BPIFA2: variants seen among roughly 807,000 people sequenced by gnomAD.
The protein encoded by BPIFA2 is BPI fold-containing family A member 2.
BPIFA2 carries 20 observed loss-of-function variants against 25.7 expected under a neutral mutation model. That is an observed-to-expected ratio of 0.78 (90% CI 0.55 to 1.13). BPIFA2 has a LOEUF of 1.13. BPIFA2 is among the 50% of genes most tolerant of loss of function. BPIFA2 has a pLI of 0.00. For missense variants in BPIFA2, 300 were observed against 298.1 expected, an observed-to-expected ratio of 1.01 and a Z score of -0.05; for synonymous variants, 126 against 124.3, an observed-to-expected ratio of 1.01 and a Z score of -0.09.
chr20:33,172,905 A>G (rs1983946955), intron 2 of BPIFA2, 27 bp from the exon 3 acceptor site: 2 of 1,609,768 alleles, frequency 1.2e-6, no homozygotes, highest in Middle Eastern at 3.4e-4. Flanking sequence ...GTGGTGCGTG[A>G]CACAAAATGG....
Position 33,181,205 on chromosome 20 carries a change from C to A in BPIFA2, c.*38-19C>A, listed in dbSNP as rs1377850805. ...GCAGCCTAGCAGCAAATGTCCTAAC[C>A]CCCTTGGTCTCATTCCAGATTGGTT... On this transcript the variant is annotated intron_variant, in intron 8 of 8. Transcript: ENST00000354932. 2 of 152,304 alleles carry A rather than the reference C, an allele frequency of 1.3e-5. No homozygotes were observed. The highest frequency in any genetic ancestry group is 3.9e-4 in the East Asian group (2 of 5,192). 9.4% of individuals were successfully genotyped at this position (152,304 alleles called of 1,614,324 possible).
chr20:33,179,061 G>A (rs933442953), intron 6 of BPIFA2, among the ~76,000 whole-genome samples: 22 of 152,138 alleles, frequency 1.4e-4, no homozygotes, highest in African/African-American at 5.3e-4. Flanking sequence ...TAGAATTCTA[G>A]TGTTCTAAGG....
Position 33,172,985 on chromosome 20 carries a change from T to C in BPIFA2, c.211T>C (p.Trp71Arg), listed in dbSNP as rs917471632. ...DLGVLQKSSA[W>R]QLAKQKAQEA... ...AGGAGTGCTTCAGAAATCCAGTGCTTGGCAACTGGCCAAGCAGAAGGCCCA... is the reference window on the plus strand; with the variant it reads ...AGGAGTGCTTCAGAAATCCAGTGCTCGGCAACTGGCCAAGCAGAAGGCCCA... The change falls in exon 3 of 9, where the codon TGG becomes CGG. Residue 71 changes from tryptophan (W) to arginine (R), a missense_variant. Physicochemically the swap from Trp to Arg is moderately radical, Grantham distance 101. Transcript: ENST00000354932. 3 of 1,614,074 alleles carry C rather than the reference T, an allele frequency of 1.9e-6. No homozygotes were observed. In the African/African-American group the frequency reaches 4.0e-5, roughly 22 times the overall value.
At chr20:33,172,836 T>C in intron 2 of BPIFA2, 96 bp from the exon 3 acceptor site, 1 of 1,325,776 alleles carries the variant, frequency 7.5e-7, no homozygotes, top group South Asian at 1.5e-5. Flanking sequence ...AAAGATTAAA[T>C]GAAATAACAT....
At chr20:33,173,576 G>T (rs1600600104) in intron 3 of BPIFA2, among the ~76,000 whole-genome samples, 1 of 152,082 alleles carries the variant, frequency 6.6e-6, no homozygotes, top group Non-Finnish European at 1.5e-5. Context: ...CACAATCTTG[G>T]CTCACTACAG....
At chr20:33,171,440 G>A (rs1224793419) in intron 2 of BPIFA2, among the ~76,000 whole-genome samples, 1 of 152,168 alleles carries the variant, frequency 6.6e-6, no homozygotes, top group Non-Finnish European at 1.5e-5. Context: ...TGGCATTAGA[G>A]TGAACAGGCA....
At chr20:33,175,073 A>C (rs1984027747) in intron 4 of BPIFA2, among the ~76,000 whole-genome samples, 1 of 152,204 alleles carries the variant, frequency 6.6e-6, no homozygotes, top group East Asian at 1.9e-4. Flanking sequence ...CTCATTCAGA[A>C]AATAGGGATA....
rs779727414 is a variant in BPIFA2 at position 33,175,376 on chromosome 20, CTTTGTTCACTGT to C, written c.411-30_411-19del. On this transcript the variant is annotated intron_variant, in intron 4 of 8. Coordinates refer to ENST00000354932, the MANE Select transcript of BPIFA2 (RefSeq NM_080574.4). Reference sequence around the variant, plus strand: ...TGGGCAACAGGCAGGAACTTCTAGACTTTGTTCACTGTGCATCTTACTTCCTGCAGGCCCATC... The same window carrying C: ...TGGGCAACAGGCAGGAACTTCTAGACGCATCTTACTTCCTGCAGGCCCATC... 6.2e-7 allele frequency: 1 copy of C among 1,604,940 alleles called. No individual in the cohort carries two copies. Among genetic ancestry groups the C allele is most frequent in the South Asian group, 1.1e-5 (1 of 89,392 alleles).
chr20:33,173,984 G>C, intron 3 of BPIFA2, 95 bp from the exon 4 acceptor site: 1 of 970,158 alleles, frequency 1.0e-6, no homozygotes, highest in Non-Finnish European at 1.7e-6. Context: ...CAAGGCTGAC[G>C]AGACCCAAAC....
At chr20:33,177,997 G>A in intron 5 of BPIFA2, 150 bp from the exon 6 acceptor site, 1 of 563,700 alleles carries the variant, frequency 1.8e-6, no homozygotes, top group Non-Finnish European at 3.1e-6. Context: ...GATGATCCAT[G>A]TGGATGGGAG....
chr20:33,179,662 T>C lies in BPIFA2; in HGVS notation c.704T>C (p.Val235Ala). The C allele has an allele frequency of 1.2e-6, 2 of 1,610,828 alleles. No individual in the cohort carries two copies. The highest frequency in any genetic ancestry group is 1.7e-6 in the Non-Finnish European group (2 of 1,177,164). ...CTGGATGTGAATGTCATTCAGCAGG[T>C]CGTCGGTAAGTCAATGGGGAAGTGG... is the stretch of plus-strand genomic sequence containing the variant. The part of the protein sequence containing the change: ...HSLDVNVIQQ[V>A]VDNPQHKTQL... The change falls in exon 7 of 9, where the codon GTC (valine) becomes GCC (alanine). Residue 235 changes from valine to alanine, a missense_variant. Transcript: ENST00000354932.
At chr20:33,180,082 G>A (rs749430399) in intron 7 of BPIFA2, among the ~76,000 whole-genome samples, 2 of 152,128 alleles carry the variant, frequency 1.3e-5, no homozygotes, top group Non-Finnish European at 2.9e-5. Context: ...GCCAGGCGTG[G>A]TGGCATCCAC....
At chr20:33,162,314 G>T (rs1349799305) in intron 1 of BPIFA2, among the ~76,000 whole-genome samples, 3 of 152,084 alleles carry the variant, frequency 2.0e-5, no homozygotes, top group Non-Finnish European at 2.9e-5. Flanking sequence ...TTTTGATTGA[G>T]TGGCCACCAC....
At chr20:33,174,314 G>C (rs2146454491) in intron 4 of BPIFA2, 128 bp downstream of exon 4, 1 of 759,800 alleles carries the variant, frequency 1.3e-6, no homozygotes, top group East Asian at 2.6e-5. Context: ...CAATCTGTGA[G>C]TGAGAGAACC....
chr20:33,165,397 G>A (rs1441959425), upstream of BPIFA2, among the ~76,000 whole-genome samples: 1 of 152,198 alleles, frequency 6.6e-6, no homozygotes, highest in Non-Finnish European at 1.5e-5. Flanking sequence ...GTGCACACCT[G>A]TGTGTTTGTT....
rs1399731300 is a variant in BPIFA2 at position 33,174,100 on chromosome 20, C to T, written c.324C>T (p.Leu108=). Residue 108 remains leucine (L), a synonymous_variant, in exon 4 of 9, where the codon CTC becomes CTT. Transcript: ENST00000354932. The part of the protein sequence containing the change: ...DIFGLKISNS[L]ILDVKAEPID... ...ACAGGTTGAAAATCAGCAACTCCCTCATCCTGGATGTCAAAGCTGAACCGA... is the reference window on the plus strand; with the variant it reads ...ACAGGTTGAAAATCAGCAACTCCCTTATCCTGGATGTCAAAGCTGAACCGA... The T allele has an allele frequency of 1.2e-6, 2 of 1,614,032 alleles. No individual in the cohort carries two copies. Among genetic ancestry groups the T allele is most frequent in the African/African-American group, 2.7e-5 (2 of 74,914 alleles).
intron 8 of BPIFA2, 71 bp downstream of exon 8, chr20:33,180,668 T>C: frequency 7.7e-7 from 1 of 1,303,350 alleles, no homozygotes; most frequent in Non-Finnish European, 1.1e-6. Flanking sequence ...GTGGCTTCCC[T>C]TATTTTTGTG....
Position 33,169,209 on chromosome 20 carries a change from C to T in BPIFA2, c.64C>T (p.Leu22Phe). The change falls in exon 2 of 9, where the codon CTT (leucine) becomes TTT (phenylalanine). Residue 22 changes from leucine (L) to phenylalanine (F), a missense_variant. Coordinates refer to ENST00000354932, the MANE Select transcript of BPIFA2 (RefSeq NM_080574.4). The stretch of plus-strand genomic sequence containing the variant: ...GCTCACTGGGACCTCAGAGTCTCTT[C>T]TTGACAATCTTGGCAATGACCTAAG... ...GVLTGTSESLLDNLGNDLSNV... is the reference protein window; with the variant it reads ...GVLTGTSESLFDNLGNDLSNV... 1 of 1,614,080 alleles carries T rather than the reference C, an allele frequency of 6.2e-7. No individual in the cohort carries two copies. The highest frequency in any genetic ancestry group is 8.5e-7 in the Non-Finnish European group (1 of 1,179,904).
rs757048128 is a variant in BPIFA2 at position 33,176,954 on chromosome 20, C to T, written c.564-1193C>T. Among the ~76,000 whole-genome samples the T allele has an allele frequency of 6.9e-4, 105 of 152,296 alleles. 2 individuals are homozygous for T. The highest frequency in any genetic ancestry group is 3.4e-3 in the Middle Eastern group (1 of 294). Reference sequence around the variant, plus strand: ...CATCCTTCAGGGCCTTCCCAGGGCTCCTCCTATTCTCTCTCGTAAGAGTCT... The same window carrying T: ...CATCCTTCAGGGCCTTCCCAGGGCTTCTCCTATTCTCTCTCGTAAGAGTCT... On this transcript the variant is annotated intron_variant, in intron 5 of 8. Transcript: ENST00000354932.
Sources: allele counts gnomAD v4.1 joint callset (sites outside exome capture counted in the v4.1 genomes callset), GRCh38; gene constraint gnomAD v4.1.1; transcripts MANE v1.5; gene names NCBI Gene and HGNC (gene_info 2026-07-23, HGNC 2026-07-21).